LETM1: variants seen among roughly 807,000 people sequenced by gnomAD.
The protein encoded by LETM1 is leucine zipper and EF-hand containing transmembrane protein 1, also known as mitochondrial proton/calcium exchanger protein.
Under a neutral mutation model 74.5 loss-of-function variants are expected in LETM1, and 50 were observed. The observed-to-expected ratio is 0.67, with a 90% CI of 0.53 to 0.85. LETM1 has a LOEUF of 0.85. LETM1 is among the 40% of genes least tolerant of loss of function. The probability of loss-of-function intolerance (pLI) is 0.00; values close to 1 mark genes in which losing one functional copy is unlikely to be tolerated. For synonymous variants in LETM1, 446 were observed against 407.1 expected (o/e 1.10, Z -1.15); for missense variants, 824 against 967.8 (o/e 0.85, Z 1.97).
intron 6 of LETM1, among the ~76,000 whole-genome samples, chr4:1,830,255 T>A (rs1027157639): frequency 1.3e-5 from 2 of 152,254 alleles, no homozygotes; most frequent in African/African-American, 4.8e-5. Context: ...TTTTATCTTA[T>A]CCATTCTGCT....
chr4:1,839,400 C>T (rs1297631835), intron 3 of LETM1: 2 of 152,366 alleles, frequency 1.3e-5, no homozygotes, highest in Non-Finnish European at 2.9e-5. Flanking sequence ...GCAGACCCCT[C>T]CCAGGAAACA....
chr4:1,844,822 A>T (rs1008540918), intron 2 of LETM1, among the ~76,000 whole-genome samples: 1 of 143,322 alleles, frequency 7.0e-6, no homozygotes, highest in Non-Finnish European at 1.5e-5. Flanking sequence ...CCAAGGCAGG[A>T]GCGCTGCTCA....
At chr4:1,844,438 CGAA>C (rs751910811) in intron 2 of LETM1, among the ~76,000 whole-genome samples, 34 of 152,144 alleles carry the variant, frequency 2.2e-4, no homozygotes, top group Non-Finnish European at 4.7e-4. Context: ...TCTCTTGGAT[CGAA>C]AATACTCCAG....
chr4:1,847,559 C>T (rs998164088), intron 2 of LETM1, among the ~76,000 whole-genome samples: 1 of 152,018 alleles, frequency 6.6e-6, no homozygotes, highest in Non-Finnish European at 1.5e-5. Context: ...GTGGCTCACA[C>T]CTGTAATCCC....
chr4:1,840,277 T>C (rs556286321), intron 3 of LETM1, among the ~76,000 whole-genome samples: 70 of 152,312 alleles, frequency 4.6e-4, no homozygotes, highest in Admixed American at 4.6e-3. Context: ...CTCAGGTGGC[T>C]GAGGCAGGAG....
rs369341735 is a variant in LETM1, at chr4:1,825,494, G to A, written c.1200+70C>T. 16 of 1,554,698 alleles carry A rather than the reference G, an allele frequency of 1.0e-5. No individual in the cohort carries two copies. In the East Asian group the frequency reaches 1.4e-4, roughly 13 times the overall value. ...GGCCCAGAGTTTGGGAAGAGCCTCC[G>A]AGTGGCCTTTCGAGGCTGATGTTTC... On this transcript the variant is annotated intron_variant, in intron 7 of 13. Coordinates refer to ENST00000302787, the MANE Select transcript of LETM1 (RefSeq NM_012318.3).
rs1712402190 is a variant in LETM1, at chr4:1,834,719, G to A, written c.876+126C>T. The A allele has an allele frequency of 4.6e-6, 7 of 1,518,262 alleles. No individual in the cohort carries two copies. Among genetic ancestry groups the A allele is most frequent in the Non-Finnish European group, 6.2e-6 (7 of 1,134,316 alleles). 94.0% of individuals were successfully genotyped at this position (1,518,262 alleles called of 1,614,324 possible). A position where few individuals can be genotyped will look rare whatever the true frequency, so the allele number is the denominator to read the frequency against. ...CCACTGGCCCCCGACTGAGCCTCCT[G>A]GGTAAACTTTCAAGCGCCAGCCAGC... On this transcript the variant is annotated intron_variant, in intron 5 of 13. Coordinates refer to ENST00000302787, the MANE Select transcript of LETM1 (RefSeq NM_012318.3). The surrounding 1 kb of genome is among the most constrained non-coding windows in gnomAD (Gnocchi z 5.0).
intron 6 of LETM1, among the ~76,000 whole-genome samples, chr4:1,826,528 G>C (rs1711992895): frequency 6.6e-6 from 1 of 152,230 alleles, no homozygotes; most frequent in Non-Finnish European, 1.5e-5. Context: ...CCCGTTCACA[G>C]ACGCGCTTGT....
chr4:1,812,198 C>CA lies in LETM1; in HGVS notation c.*2225dup, dbSNP rs35144888. On this transcript the variant is annotated 3_prime_UTR_variant, in exon 14 of 14. Coordinates refer to ENST00000302787, the MANE Select transcript of LETM1 (RefSeq NM_012318.3). Reference sequence around the variant, plus strand: ...TGGGAGACAGAGCAAGACTCTGTCTCAAAAAAAAAAAAAAAAATTAGCTGG... The same window carrying CA: ...TGGGAGACAGAGCAAGACTCTGTCTCAAAAAAAAAAAAAAAAAATTAGCTGG... The CA allele has an allele frequency of 0.93, 99,338 of 106,494 alleles. 46,484 individuals carry two copies. The highest frequency in any genetic ancestry group is 0.97 in the East Asian group (3,689 of 3,802). The allele number at this position is 106,494 out of a possible 1,614,324, so 6.6% of individuals were successfully genotyped here.
rs910362157 is a variant in LETM1, at chr4:1,814,201, C to A, written c.*223G>T. 8 of 732,840 alleles carry A rather than the reference C, an allele frequency of 1.1e-5. No individual in the cohort carries two copies. Among genetic ancestry groups the A allele is most frequent in the Non-Finnish European group, 1.3e-5 (6 of 460,792 alleles). 45.4% of individuals were successfully genotyped at this position (732,840 alleles called of 1,614,324 possible). ...CCAGGAGGCCGTGGCAGCCACACCA[C>A]AGTGTGGATCCAGACACGATTCTGT... On this transcript the variant is annotated 3_prime_UTR_variant, in exon 14 of 14. Transcript: ENST00000302787.
chr4:1,843,635 C>A (rs540460107), intron 2 of LETM1, among the ~76,000 whole-genome samples: 1 of 152,304 alleles, frequency 6.6e-6, no homozygotes, highest in South Asian at 2.1e-4. Context: ...GTGGAAGGTG[C>A]CTGGTGGACA....
intron 6 of LETM1, among the ~76,000 whole-genome samples, chr4:1,828,122 CG>C (rs1712076580): frequency 1.8e-5 from 2 of 109,116 alleles, no homozygotes; most frequent in South Asian, 3.2e-4. Flanking sequence ...CCCTCCCGGA[CG>C]GGGCGGCTGG....
chr4:1,838,974 AT>A (rs1182159285), intron 3 of LETM1, among the ~76,000 whole-genome samples: 1 of 152,228 alleles, frequency 6.6e-6, no homozygotes, highest in Non-Finnish European at 1.5e-5. Context: ...TAAAAAATTA[AT>A]TTAAAATAAA....
chr4:1,852,301 T>G lies in LETM1; in HGVS notation c.83-3092A>C, dbSNP rs1713094724. The stretch of plus-strand genomic sequence containing the variant: ...CTCTACTTACTGTCACAGTTTATTA[T>G]AAAGGGTACCTGGTACCTAGGAACA... On this transcript the variant is annotated intron_variant, in intron 1 of 13. Transcript: ENST00000302787. 2.0e-5 allele frequency among the ~76,000 whole-genome samples: 3 copies of G among 152,144 alleles called. No individual in the cohort carries two copies. The South Asian group carries it at 6.2e-4, about 32-fold the overall frequency.
At chr4:1,815,454 C>T (rs144403016) in intron 13 of LETM1, among the ~76,000 whole-genome samples, 1 of 152,358 alleles carries the variant, frequency 6.6e-6, no homozygotes, top group East Asian at 1.9e-4. Context: ...TCTCTCTCAA[C>T]ACTTGAGTTG....
chr4:1,825,776 T>C, intron 6 of LETM1, 93 bp from the exon 7 acceptor site: 3 of 1,429,724 alleles, frequency 2.1e-6, no homozygotes, highest in Non-Finnish European at 2.8e-6. Context: ...GGCTAACAGA[T>C]TTTGCCAAGC....
chr4:1,820,110 A>G (rs1388028387), intron 10 of LETM1, among the ~76,000 whole-genome samples: 1 of 151,814 alleles, frequency 6.6e-6, no homozygotes, highest in South Asian at 2.1e-4. Flanking sequence ...CCAACTTTTT[A>G]TTTTTTGTAA....
In LETM1 at chr4:1,836,234, A is replaced by G. The variant is rs1398573426; in HGVS notation, c.738+195T>C. Among the ~76,000 whole-genome samples the G allele has an allele frequency of 6.6e-6, 1 of 152,178 alleles. No homozygotes were observed. The highest frequency in any genetic ancestry group is 1.9e-4 in the East Asian group (1 of 5,202). ...CCCTGTTTCAAAAATAAATAAATAA[A>G]TAAATAAATAACGAAATAAAGAGAA... On this transcript the variant is annotated intron_variant, in intron 4 of 13. Transcript: ENST00000302787. The surrounding 1 kb of genome is among the most constrained non-coding windows in gnomAD (Gnocchi z 5.8).
In LETM1 at chr4:1,834,456, T is replaced by G. The variant is rs1008775450; in HGVS notation, c.876+389A>C. 6.9e-5 allele frequency: 71 copies of G among 1,030,768 alleles called. No individual in the cohort carries two copies. The highest frequency in any genetic ancestry group is 8.2e-5 in the Non-Finnish European group (70 of 858,264). 63.9% of individuals were successfully genotyped at this position (1,030,768 alleles called of 1,614,324 possible). Reference sequence around the variant, plus strand: ...ACAGTCCAGGCCTCTGACCAGCCCCTGGGACCTGGGATCTTCTTGACTGAC... The same window carrying G: ...ACAGTCCAGGCCTCTGACCAGCCCCGGGGACCTGGGATCTTCTTGACTGAC... On this transcript the variant is annotated intron_variant, in intron 5 of 13. Transcript: ENST00000302787. The surrounding 1 kb of genome is among the most constrained non-coding windows in gnomAD (Gnocchi z 5.0).
Sources: allele counts gnomAD v4.1 joint callset (sites outside exome capture counted in the v4.1 genomes callset), GRCh38; gene constraint gnomAD v4.1.1; non-coding constraint Gnocchi (gnomAD v3.1); transcripts MANE v1.5; gene names NCBI Gene and HGNC (gene_info 2026-07-23, HGNC 2026-07-21).